Variants in DKK2 observed in about 807,000 individuals in gnomAD.
The protein encoded by DKK2 is dickkopf-related protein 2.
Under a neutral mutation model 28.1 loss-of-function variants are expected in DKK2, and 11 were observed. The ratio of observed to expected loss-of-function variants is 0.39; its 90% CI spans 0.25 to 0.65. The LOEUF (loss-of-function observed/expected upper bound fraction) is 0.65. Ranked by LOEUF, DKK2 falls within the 30% of genes least tolerant of loss-of-function variation. DKK2 has a pLI of 0.47. For missense variants in DKK2, 326 were observed against 335.5 expected (o/e 0.97, Z 0.22); for synonymous variants, 135 against 126.5 (o/e 1.07, Z -0.45).
chr4:106,983,377 A>AAGAAAGAAAGAAAG (rs1400046052), intron 1 of DKK2, among the ~76,000 whole-genome samples: 1 of 98,554 alleles, frequency 1.0e-5, no homozygotes, highest in African/African-American at 4.8e-5. Context: ...AGAAGAAAGA[A>AAGAAAGAAAGAAAG]AAGAAAGAAA....
intron 1 of DKK2, among the ~76,000 whole-genome samples, chr4:106,935,394 T>A (rs935143901): frequency 5.3e-5 from 8 of 152,208 alleles, no homozygotes; most frequent in Non-Finnish European, 4.4e-5. Flanking sequence ...ACCCGAATAC[T>A]GCGCTTTTCC....
Position 106,923,774 on chromosome 4 carries a change from G to A in DKK2, c.*180C>T. 1.2e-6 allele frequency: 1 copy of A among 801,786 alleles called. No homozygotes were observed. Among genetic ancestry groups the A allele is most frequent in the South Asian group, 1.9e-5 (1 of 52,682 alleles). 49.7% of individuals were successfully genotyped at this position (801,786 alleles called of 1,614,324 possible). ...TGGAAACACTGGCTGCACTGCATTT[G>A]TCACCCATTCTAATCTATTCAGTTC... On this transcript the variant is annotated 3_prime_UTR_variant, in exon 4 of 4. Transcript: ENST00000285311.
At chr4:106,926,806 G>T (rs1229135444) in intron 1 of DKK2, among the ~76,000 whole-genome samples, 1 of 152,054 alleles carries the variant, frequency 6.6e-6, no homozygotes, top group African/African-American at 2.4e-5. Context: ...AATACAGAAG[G>T]TGGTCAGAGT....
At chr4:106,983,824 A>C (rs895304245) in intron 1 of DKK2, among the ~76,000 whole-genome samples, 3 of 152,222 alleles carry the variant, frequency 2.0e-5, no homozygotes, top group South Asian at 2.1e-4. Flanking sequence ...TTCATCTAAG[A>C]AGATATACAG....
intron 1 of DKK2, among the ~76,000 whole-genome samples, chr4:106,998,528 G>T (rs1249923143): frequency 1.3e-5 from 2 of 152,064 alleles, no homozygotes; most frequent in Non-Finnish European, 2.9e-5. Flanking sequence ...AATAGCTCTA[G>T]TCAATAAAGA....
At position 107,035,584 on chromosome 4, in the gene DKK2, G is replaced by A. The variant is rs760161896; in HGVS notation, c.8C>T (p.Ala3Val). 6 of 1,613,876 alleles carry A rather than the reference G, an allele frequency of 3.7e-6. No homozygotes were observed. MAALMRSKDSSCC... is the reference protein window; with the variant it reads MAVLMRSKDSSCC... ...GGACGAATCCTTGCTCCGCATCAACGCGGCCATCTCCCGGCGAGGGGGTCC... is the reference window on the plus strand; with the variant it reads ...GGACGAATCCTTGCTCCGCATCAACACGGCCATCTCCCGGCGAGGGGGTCC... The change falls in exon 1 of 4, where the codon GCG (alanine) becomes GTG (valine). Residue 3 changes from alanine to valine, a missense_variant. Physicochemically the swap from Ala to Val is moderately conservative, Grantham distance 64. Coordinates refer to ENST00000285311, the MANE Select transcript of DKK2 (RefSeq NM_014421.3).
intron 1 of DKK2, among the ~76,000 whole-genome samples, chr4:106,966,739 T>C (rs115931579): frequency 0.026 from 3,961 of 152,272 alleles, 63 homozygotes; most frequent in Non-Finnish European, 0.037. Context: ...CAAAGAATTA[T>C]ATGGATGGCA....
At position 106,989,080 on chromosome 4, in the gene DKK2, A is replaced by G. The variant is rs35594730; in HGVS notation, c.222+46290T>C. On this transcript the variant is annotated intron_variant, in intron 1 of 3. Transcript: ENST00000285311. ...GACAAGCACTTGGAAGCAATTTTTC[A>G]TAGGAGTATGGTGATTTCTATGTCT... Among the ~76,000 whole-genome samples the G allele has an allele frequency of 8.1e-3, 1,234 of 152,284 alleles. 5 individuals are homozygous for G. The highest frequency in any genetic ancestry group is 0.013 in the Non-Finnish European group (866 of 68,014).
intron 1 of DKK2, among the ~76,000 whole-genome samples, chr4:106,946,108 GTCATTTTACAAATGAATAAAGA>G (rs1724772019): frequency 1.3e-5 from 2 of 151,938 alleles, no homozygotes; most frequent in Admixed American, 1.3e-4. Flanking sequence ...TTATCTATGT[GTCATTTTACAAATGAATAAAGA>G]CCAACTGCTG....
At chr4:107,002,798 A>G (rs1723378326) in intron 1 of DKK2, among the ~76,000 whole-genome samples, 1 of 152,208 alleles carries the variant, frequency 6.6e-6, no homozygotes, top group South Asian at 2.1e-4. Flanking sequence ...GATGCTTTTG[A>G]ATTCAACTGT....
At chr4:107,029,513 A>C (rs1723844907) in intron 1 of DKK2, among the ~76,000 whole-genome samples, 1 of 152,202 alleles carries the variant, frequency 6.6e-6, no homozygotes, top group Non-Finnish European at 1.5e-5. Flanking sequence ...GCATAGAGTG[A>C]ATAATCAATT....
chr4:106,925,649 TA>T, intron 2 of DKK2, 149 bp downstream of exon 2: 1 of 975,824 alleles, frequency 1.0e-6, no homozygotes, highest in Non-Finnish European at 1.5e-6. Flanking sequence ...TTTGGGGAGG[TA>T]ATCCAGGTAA....
Position 107,035,508 on chromosome 4 carries a change from G to C in DKK2, c.84C>G (p.Ile28Met), listed in dbSNP as rs766930791. The C allele has an allele frequency of 2.5e-6, 4 of 1,614,066 alleles. No individual in the cohort carries two copies. In the South Asian group the frequency reaches 3.3e-5, roughly 13 times the overall value. Residue 28 changes from isoleucine to methionine, a missense_variant, in exon 1 of 4, where the codon ATC becomes ATG. By Grantham distance (10) the Ile-to-Met change is conservative. Coordinates refer to ENST00000285311, the MANE Select transcript of DKK2 (RefSeq NM_014421.3). The stretch of plus-strand genomic sequence containing the variant: ...AGTTGAGTTTGGCCCGCGAACTGCC[G>C]ATCTGTGAGCTCTCCACCATCAGCA... ...AAVLMVESSQ[I>M]GSSRAKLNSI...
intron 1 of DKK2, among the ~76,000 whole-genome samples, chr4:107,014,792 A>T (rs1186684600): frequency 6.6e-6 from 1 of 151,386 alleles, no homozygotes; most frequent in Non-Finnish European, 1.5e-5. Flanking sequence ...TTAGTCAATT[A>T]TAAACAAAAT....
chr4:106,980,555 G>A (rs1723012750), intron 1 of DKK2, among the ~76,000 whole-genome samples: 1 of 152,040 alleles, frequency 6.6e-6, no homozygotes, highest in Admixed American at 6.6e-5. Context: ...ACAAGTAATA[G>A]TTCTGTGAGA....
chr4:106,932,709 T>C (rs1724521407), intron 1 of DKK2, among the ~76,000 whole-genome samples: 1 of 152,186 alleles, frequency 6.6e-6, no homozygotes. Context: ...AAGTACTCTA[T>C]AATTTGTAAT....
chr4:107,035,497 C>A lies in DKK2; in HGVS notation c.95G>T (p.Arg32Leu). The A allele has an allele frequency of 6.2e-7, 1 of 1,614,122 alleles. No homozygotes were observed. Among genetic ancestry groups the A allele is most frequent in the Non-Finnish European group, 8.5e-7 (1 of 1,180,028 alleles). Reference sequence around the variant, plus strand: ...GGACTTGATGGAGTTGAGTTTGGCCCGCGAACTGCCGATCTGTGAGCTCTC... The same window carrying A: ...GGACTTGATGGAGTTGAGTTTGGCCAGCGAACTGCCGATCTGTGAGCTCTC... The part of the protein sequence containing the change: ...MVESSQIGSS[R>L]AKLNSIKSSL... Residue 32 changes from arginine to leucine, a missense_variant, in exon 1 of 4, where the codon CGG becomes CTG. Arg to Leu is a moderately radical substitution (Grantham distance 102). Transcript: ENST00000285311.
chr4:106,963,275 C>T (rs1208706506), intron 1 of DKK2, among the ~76,000 whole-genome samples: 9 of 150,994 alleles, frequency 6.0e-5, no homozygotes, highest in African/African-American at 1.5e-4. Context: ...ATCGCTTGAA[C>T]CCTGGAGACG....
At chr4:106,969,593 C>T (rs1174533896) in intron 1 of DKK2, among the ~76,000 whole-genome samples, 1 of 152,012 alleles carries the variant, frequency 6.6e-6, no homozygotes, top group Non-Finnish European at 1.5e-5. Flanking sequence ...ATTTTCACTC[C>T]TCTCTAATTT....
Sources: gnomAD v4.1 joint callset for allele counts (sites outside exome capture counted in the v4.1 genomes callset) on GRCh38, gnomAD v4.1.1 for gene constraint, MANE v1.5 for transcripts, NCBI Gene and HGNC (gene_info 2026-07-23, HGNC 2026-07-21) for gene names.